Variants in SLC26A8 observed in about 807,000 individuals in gnomAD.
SLC26A8 encodes solute carrier family 26 member 8, also known as testis anion transporter 1.
SLC26A8 carries 70 observed loss-of-function variants against 105.0 expected under a neutral mutation model. The ratio of observed to expected loss-of-function variants is 0.67; its 90% CI spans 0.55 to 0.81. SLC26A8 has a LOEUF of 0.81. SLC26A8 is among the 40% of genes least tolerant of loss of function. The pLI is 0.00. For synonymous variants in SLC26A8, 415 were observed against 438.3 expected, an observed-to-expected ratio of 0.95 and a Z score of 0.66; for missense variants, 998 against 1,181.8, an observed-to-expected ratio of 0.84 and a Z score of 2.28.
intron 1 of SLC26A8, 133 bp from the exon 2 acceptor site, chr6:36,019,842 CTT>C: frequency 1.2e-6 from 1 of 845,174 alleles, no homozygotes. Flanking sequence ...GTAAAAAACT[CTT>C]TCTCAAAGTT....
At chr6:35,993,299 C>T (rs1051437209) in intron 5 of SLC26A8, among the ~76,000 whole-genome samples, 26 of 151,664 alleles carry the variant, frequency 1.7e-4, no homozygotes, top group African/African-American at 5.8e-4. Flanking sequence ...ACGCACTGTG[C>T]CTGGCCTGCC....
rs139507161 is a variant in SLC26A8, at chr6:35,946,127, T to A, written c.2473-1787A>T. Among the ~76,000 whole-genome samples, 66 of 152,334 alleles carry A rather than the reference T, an allele frequency of 4.3e-4. 2 individuals carry two copies. The highest frequency in any genetic ancestry group is 1.5e-3 in the African/African-American group (63 of 41,568). On this transcript the variant is annotated intron_variant, in intron 19 of 19. Coordinates refer to ENST00000490799, the MANE Select transcript of SLC26A8 (RefSeq NM_052961.4). ...ATTTTCATTACCATCTATATGCTGATGCTGATGATTCTTTGGTTATAACCC... is the reference window on the plus strand; with the variant it reads ...ATTTTCATTACCATCTATATGCTGAAGCTGATGATTCTTTGGTTATAACCC...
At chr6:36,021,385 G>T (rs558685447) in intron 1 of SLC26A8, among the ~76,000 whole-genome samples, 1 of 151,152 alleles carries the variant, frequency 6.6e-6, no homozygotes, top group Non-Finnish European at 1.5e-5. Flanking sequence ...TACTTTCCCC[G>T]TATAATTGTC....
At chr6:35,993,560 T>C (rs1458319926) in intron 5 of SLC26A8, among the ~76,000 whole-genome samples, 1 of 152,168 alleles carries the variant, frequency 6.6e-6, no homozygotes, top group African/African-American at 2.4e-5. Context: ...TATGCATATG[T>C]AAAATTTATG....
In SLC26A8 at chr6:35,943,655, T is replaced by G; in HGVS notation, c.*245A>C. On this transcript the variant is annotated 3_prime_UTR_variant, in exon 20 of 20. Coordinates refer to ENST00000490799, the MANE Select transcript of SLC26A8 (RefSeq NM_052961.4). Reference sequence around the variant, plus strand: ...AAGAAGGAAATTCATGACTAGAATATATGCTGAAGGTGAAATGAGGGGAGC... The same window carrying G: ...AAGAAGGAAATTCATGACTAGAATAGATGCTGAAGGTGAAATGAGGGGAGC... The G allele has an allele frequency of 2.0e-6, 1 of 506,436 alleles. No homozygotes were observed. Among genetic ancestry groups the G allele is most frequent in the Non-Finnish European group, 3.5e-6 (1 of 288,008 alleles). 31.4% of individuals were successfully genotyped at this position (506,436 alleles called of 1,614,324 possible). A position where few individuals can be genotyped will look rare whatever the true frequency, so the allele number is the denominator to read the frequency against.
chr6:36,019,809 C>T (rs1762083733), intron 1 of SLC26A8, 100 bp from the exon 2 acceptor site: 1 of 1,087,588 alleles, frequency 9.2e-7, no homozygotes, highest in South Asian at 1.9e-5. Context: ...TAATGTTTTA[C>T]ACTTGCATAG....
intron 1 of SLC26A8, among the ~76,000 whole-genome samples, chr6:36,020,150 A>G (rs968196464): frequency 2.0e-5 from 3 of 152,234 alleles, no homozygotes; most frequent in Non-Finnish European, 4.4e-5. Flanking sequence ...AAAATAGCAG[A>G]CATCATTATC....
chr6:35,955,456 T>A lies in SLC26A8; in HGVS notation c.1928A>T (p.His643Leu). ...GTTCATGCTCTCAAAATGTGAGCAG[T>A]GAATCAGGTTAATGGAGGATGCTTC... ...DPEASSINLI[H>L]CSHFESMNTS... Residue 643 changes from histidine (H) to leucine (L), a missense_variant, in exon 17 of 20, where the codon CAC (histidine) becomes CTC (leucine). By Grantham distance (99) the His-to-Leu change is moderately conservative. Transcript: ENST00000490799. 6.2e-7 allele frequency: 1 copy of A among 1,614,178 alleles called. No homozygotes were observed. The highest frequency in any genetic ancestry group is 2.2e-5 in the East Asian group (1 of 44,880).
chr6:35,978,828 CCTT>C (rs1246860315), intron 8 of SLC26A8, among the ~76,000 whole-genome samples: 3 of 146,304 alleles, frequency 2.1e-5, no homozygotes, highest in Admixed American at 7.0e-5. Flanking sequence ...CTTCTTCTTT[CCTT>C]CTTCTTCTTC....
chr6:35,971,024 C>T (rs1196632448), intron 10 of SLC26A8, among the ~76,000 whole-genome samples: 1 of 151,138 alleles, frequency 6.6e-6, no homozygotes, highest in Non-Finnish European at 1.5e-5. Context: ...AAAACTCCAT[C>T]TCAAAACAAC....
intron 11 of SLC26A8, among the ~76,000 whole-genome samples, chr6:35,965,140 GAT>G (rs1360146861): frequency 6.6e-6 from 1 of 152,086 alleles, no homozygotes; most frequent in Non-Finnish European, 1.5e-5. Flanking sequence ...TATGCAAAGT[GAT>G]ATCCATTTTT....
intron 10 of SLC26A8, among the ~76,000 whole-genome samples, chr6:35,973,142 C>T (rs1772861855): frequency 6.6e-6 from 1 of 152,166 alleles, no homozygotes; most frequent in Non-Finnish European, 1.5e-5. Context: ...CACATCTTGT[C>T]TCCCAAATTT....
At chr6:35,991,956 G>T in intron 6 of SLC26A8, 148 bp from the exon 7 acceptor site, 1 of 719,008 alleles carries the variant, frequency 1.4e-6, no homozygotes. Flanking sequence ...AGAACAGTGA[G>T]GGCAAGCATG....
chr6:35,961,137 A>T (rs753846366), intron 12 of SLC26A8, 38 bp from the exon 13 acceptor site: 98 of 1,506,114 alleles, frequency 6.5e-5, no homozygotes, highest in Non-Finnish European at 7.5e-5. Context: ...TGATCATGAA[A>T]ACAAGTTCAA....
chr6:35,961,181 C>T, intron 12 of SLC26A8, 82 bp from the exon 13 acceptor site: 1 of 1,069,694 alleles, frequency 9.3e-7, no homozygotes, highest in Non-Finnish European at 1.4e-6. Flanking sequence ...TCTCAACTCA[C>T]CTTCACCCTC....
intron 4 of SLC26A8, among the ~76,000 whole-genome samples, chr6:35,999,204 TA>T (rs1004642631): frequency 5.9e-5 from 9 of 152,148 alleles, no homozygotes; most frequent in African/African-American, 2.2e-4. Context: ...AAGCTATTCT[TA>T]AAAAAGGAAA....
At chr6:35,945,345 C>A (rs192702864) in intron 19 of SLC26A8, among the ~76,000 whole-genome samples, 123 of 152,304 alleles carry the variant, frequency 8.1e-4, no homozygotes, top group Non-Finnish European at 1.3e-3. Context: ...CCATTTAAAA[C>A]AGCAATGGAC....
At chr6:36,017,344 C>T (rs1100863) in intron 2 of SLC26A8, among the ~76,000 whole-genome samples, 105,600 of 152,050 alleles carry the variant, frequency 0.69, 37,083 homozygotes, top group Middle Eastern at 0.74. Context: ...ATTAAAAACT[C>T]TTCTACATCA....
At chr6:36,007,979 G>A (rs1207264839) in intron 3 of SLC26A8, among the ~76,000 whole-genome samples, 1 of 152,060 alleles carries the variant, frequency 6.6e-6, no homozygotes, top group Admixed American at 6.6e-5. Context: ...AATTAGCCAG[G>A]CATAGTGGCA....
Sources: gnomAD v4.1 joint callset for allele counts (sites outside exome capture counted in the v4.1 genomes callset) on GRCh38, gnomAD v4.1.1 for gene constraint, MANE v1.5 for transcripts, NCBI Gene and HGNC (gene_info 2026-07-23, HGNC 2026-07-21) for gene names.